SP2: variants seen among roughly 807,000 people sequenced by gnomAD.
SP2 encodes the protein Sp2 transcription factor.
A neutral mutation model predicts 50.1 loss-of-function variants in SP2; 9 were observed. The ratio of observed to expected loss-of-function variants is 0.18; its 90% CI spans 0.11 to 0.31. The LOEUF is 0.31. SP2 is among the 10% of genes least tolerant of loss of function. The probability of loss-of-function intolerance (pLI) is 1.00; values close to 1 mark genes in which losing one functional copy is unlikely to be tolerated. For missense variants in SP2, 581 were observed against 806.5 expected, an observed-to-expected ratio of 0.72 and a Z score of 3.39; for synonymous variants, 313 against 326.6, an observed-to-expected ratio of 0.96 and a Z score of 0.45.
Position 47,917,277 on chromosome 17 carries a change from C to G in SP2, c.1059+147C>G. 4.1e-6 allele frequency: 3 copies of G among 732,212 alleles called. No homozygotes were observed. The South Asian group carries it at 5.6e-5, about 14-fold the overall frequency. The allele number at this position is 732,212 out of a possible 1,614,324, so 45.4% of individuals were successfully genotyped here. A position where few individuals can be genotyped will look rare whatever the true frequency, so the allele number is the denominator to read the frequency against. On this transcript the variant is annotated intron_variant, in intron 3 of 6. Transcript: ENST00000376741. ...GTGGGCAGTAAGTGGCCGTTTCTAC[C>G]TGACAAATGGGCTCTCTTTAGTTCA... is the stretch of plus-strand genomic sequence containing the variant.
chr17:47,905,195 G>C (rs967987385), intron 1 of SP2, among the ~76,000 whole-genome samples: 1 of 152,208 alleles, frequency 6.6e-6, no homozygotes, highest in Admixed American at 6.5e-5. Flanking sequence ...CCATTTGTGA[G>C]CTTTCTTTGA....
Position 47,916,303 on chromosome 17 carries a change from A to G in SP2, c.232A>G (p.Ser78Gly). 6.2e-7 allele frequency: 1 copy of G among 1,614,058 alleles called. No homozygotes were observed. The highest frequency in any genetic ancestry group is 1.1e-5 in the South Asian group (1 of 91,076). The change falls in exon 3 of 7, where the codon AGC (serine) becomes GGC (glycine). Residue 78 changes from serine to glycine, a missense_variant. Ser to Gly is a moderately conservative substitution (Grantham distance 56, BLOSUM62 0). Coordinates refer to ENST00000376741, the MANE Select transcript of SP2 (RefSeq NM_003110.6). This position sits in a 1 kb window ranked among gnomAD's most constrained non-coding sequence, Gnocchi z 4.7. ...VPIKPAPLPL[S>G]PGKNSFGILS... ...TATCAAACCTGCCCCTCTCCCTCTC[A>G]GCCCCGGCAAGAATAGCTTTGGAAT...
In SP2 at chr17:47,922,955, C is replaced by T. The variant is rs377738433; in HGVS notation, c.1060-7C>T. 3 of 1,602,932 alleles carry T rather than the reference C, an allele frequency of 1.9e-6. No homozygotes were observed. The highest frequency in any genetic ancestry group is 2.6e-6 in the Non-Finnish European group (3 of 1,171,698). On this transcript the variant is annotated splice_region_variant and splice_polypyrimidine_tract_variant and intron_variant, in intron 3 of 6. Coordinates refer to ENST00000376741, the MANE Select transcript of SP2 (RefSeq NM_003110.6). ...GGCACTGATTTTTTTTCTCTGGCCC[C>T]TCCCAGGTCTACATCCGCACGCCTT...
chr17:47,910,770 A>G (rs1388693050), intron 1 of SP2, among the ~76,000 whole-genome samples: 1 of 152,190 alleles, frequency 6.6e-6, no homozygotes, highest in Non-Finnish European at 1.5e-5. Context: ...AAGTTATGTC[A>G]TCTTTCACTT....
chr17:47,930,467 A>G (rs1387606209), downstream of SP2, among the ~76,000 whole-genome samples: 1 of 152,174 alleles, frequency 6.6e-6, no homozygotes, highest in East Asian at 1.9e-4. Flanking sequence ...TTTCCCATGT[A>G]GGATTTCCCT....
chr17:47,897,062 G>T (rs2034368298), intron 1 of SP2, among the ~76,000 whole-genome samples: 1 of 152,238 alleles, frequency 6.6e-6, no homozygotes, highest in Non-Finnish European at 1.5e-5. Flanking sequence ...ACGCCCCGTA[G>T]GGGAGACTAC....
At chr17:47,908,230 C>T (rs2034841123) in intron 1 of SP2, among the ~76,000 whole-genome samples, 1 of 152,214 alleles carries the variant, frequency 6.6e-6, no homozygotes, top group Non-Finnish European at 1.5e-5. Flanking sequence ...AGTGTCCAAA[C>T]AGTTTGAGTC....
intron 1 of SP2, among the ~76,000 whole-genome samples, chr17:47,910,117 G>A (rs2034924597): frequency 6.6e-6 from 1 of 152,224 alleles, no homozygotes; most frequent in Non-Finnish European, 1.5e-5. Context: ...GGGATTACAG[G>A]CGTGAGCCAC....
intron 6 of SP2, 71 bp downstream of exon 6, chr17:47,925,612 TAC>T (rs2035616004): frequency 1.6e-6 from 2 of 1,264,910 alleles, no homozygotes; most frequent in Admixed American, 3.6e-5. Context: ...ACCCCCACTC[TAC>T]CGGCTTTAGC....
chr17:47,930,229 G>A (rs1458090593), downstream of SP2, among the ~76,000 whole-genome samples: 3 of 152,316 alleles, frequency 2.0e-5, no homozygotes, highest in African/African-American at 7.2e-5. Context: ...CTAGAAAACT[G>A]CCTTGCTGCA....
At chr17:47,907,849 T>A (rs1358125812) in intron 1 of SP2, among the ~76,000 whole-genome samples, 2 of 152,206 alleles carry the variant, frequency 1.3e-5, no homozygotes, top group Non-Finnish European at 2.9e-5. Flanking sequence ...ATTAATGAGG[T>A]TCTAAAGTGC....
At chr17:47,900,211 C>T (rs905871389) in intron 1 of SP2, 1 of 152,234 alleles carries the variant, frequency 6.6e-6, no homozygotes, top group African/African-American at 2.4e-5. Context: ...TGTCATCTTT[C>T]TAGAGCCTTC....
At chr17:47,929,102 A>G (rs1473619627), downstream of SP2, 2 of 152,694 alleles carry the variant, frequency 1.3e-5, no homozygotes, top group African/African-American at 2.4e-5. Context: ...CCCAAGCCAC[A>G]TGCCCAAAAG....
At chr17:47,907,649 G>C (rs765418876) in intron 1 of SP2, among the ~76,000 whole-genome samples, 12 of 152,286 alleles carry the variant, frequency 7.9e-5, no homozygotes, top group Non-Finnish European at 1.8e-4. Context: ...GTTGGTTTCA[G>C]TGACCGGATG....
intron 4 of SP2, among the ~76,000 whole-genome samples, chr17:47,923,686 G>A (rs750176157): frequency 1.5e-4 from 23 of 152,140 alleles, no homozygotes; most frequent in Non-Finnish European, 3.4e-4. Context: ...AAAAATTGGA[G>A]CAACCTAGCA....
chr17:47,916,701 G>A lies in SP2; in HGVS notation c.630G>A (p.Val210=). ...AGCTGACAGGTGGGGGCGGCAATGTGACGCTCACTCTGCCCGTCAACAACC... is the reference window on the plus strand; with the variant it reads ...AGCTGACAGGTGGGGGCGGCAATGTAACGCTCACTCTGCCCGTCAACAACC... The part of the protein sequence containing the change: ...VVKLTGGGGN[V]TLTLPVNNLV... Residue 210 remains valine, a synonymous_variant, in exon 3 of 7, where the codon GTG becomes GTA. Coordinates refer to ENST00000376741, the MANE Select transcript of SP2 (RefSeq NM_003110.6). The surrounding 1 kb of genome is among the most constrained non-coding windows in gnomAD (Gnocchi z 4.7). 1 of 1,613,586 alleles carries A rather than the reference G, an allele frequency of 6.2e-7. No individual in the cohort carries two copies. Among genetic ancestry groups the A allele is most frequent in the Non-Finnish European group, 8.5e-7 (1 of 1,179,626 alleles).
At position 47,924,902 on chromosome 17, in the gene SP2, C is replaced by T. The variant is rs888354134; in HGVS notation, c.1373-17C>T. On this transcript the variant is annotated splice_polypyrimidine_tract_variant and intron_variant, in intron 4 of 6. Transcript: ENST00000376741. Reference sequence around the variant, plus strand: ...AGGCTTCCTCACCCTGAACTCTGCCCCTCTTTGTCCCCACAGGGCAGCAGC... The same window carrying T: ...AGGCTTCCTCACCCTGAACTCTGCCTCTCTTTGTCCCCACAGGGCAGCAGC... 6.4e-7 allele frequency: 1 copy of T among 1,569,382 alleles called. No homozygotes were observed. The highest frequency in any genetic ancestry group is 2.3e-5 in the East Asian group (1 of 44,144).
At chr17:47,930,768 G>A (rs1198165177), downstream of SP2, among the ~76,000 whole-genome samples, 1 of 152,014 alleles carries the variant, frequency 6.6e-6, no homozygotes, top group Non-Finnish European at 1.5e-5. Flanking sequence ...TCAAGGGTAG[G>A]GGCCCCACAT....
chr17:47,925,028 C>A lies in SP2; in HGVS notation c.1482C>A (p.Thr494=), dbSNP rs3190376. Residue 494 remains threonine, a synonymous_variant, in exon 5 of 7, where the codon ACC becomes ACA. Transcript: ENST00000376741. ...LQMEQALAGE[T]QPGEKRRRMA... is the part of the protein sequence containing the mutation. ...TGGAACAAGCCCTGGCCGGAGAGAC[C>A]CAGCCCGGGGAGAAGCGGCGCCGCA... 8.5e-3 allele frequency: 13,713 copies of A among 1,614,172 alleles called. 82 individuals are homozygous for A. The highest frequency in any genetic ancestry group is 0.01 in the Non-Finnish European group (11,980 of 1,180,000).
Sources: allele counts gnomAD v4.1 joint callset (sites outside exome capture counted in the v4.1 genomes callset), GRCh38; gene constraint gnomAD v4.1.1; non-coding constraint Gnocchi (gnomAD v3.1); transcripts MANE v1.5; gene names NCBI Gene and HGNC (gene_info 2026-07-23, HGNC 2026-07-21).